WDR11: variants seen among roughly 807,000 people sequenced by gnomAD.
WDR11 encodes WD repeat domain 11.
WDR11 carries 83 observed loss-of-function variants against 151.2 expected under a neutral mutation model. That is an observed-to-expected ratio of 0.55 (90% CI 0.46 to 0.66). WDR11 has a LOEUF of 0.66. WDR11 is among the 30% of genes least tolerant of loss of function. The pLI, the probability that WDR11 is intolerant of heterozygous loss-of-function variation, is 0.00. For missense variants in WDR11, 1,301 were observed against 1,480.9 expected (o/e 0.88, Z 1.99); for synonymous variants, 484 against 533.1 (o/e 0.91, Z 1.27).
At chr10:120,852,709 A>G in intron 2 of WDR11, 74 bp downstream of exon 2, 1 of 1,286,766 alleles carries the variant, frequency 7.8e-7, no homozygotes, top group Non-Finnish European at 1.1e-6. Context: ...CTAAGCTCTC[A>G]TTAAGTCTTA....
In WDR11 at chr10:120,879,518, C is replaced by T. The variant is rs1170935362; in HGVS notation, c.1663+1059C>T. Reference sequence around the variant, plus strand: ...TGACTTAAAAAAAAGAAAAAAAATCCCTGTTTTATTTGTTTTGGTCAGCTC... The same window carrying T: ...TGACTTAAAAAAAAGAAAAAAAATCTCTGTTTTATTTGTTTTGGTCAGCTC... On this transcript the variant is annotated intron_variant, in intron 12 of 28. Coordinates refer to ENST00000263461, the MANE Select transcript of WDR11 (RefSeq NM_018117.12). 2.0e-5 allele frequency: 3 copies of T among 152,064 alleles called. No individual in the cohort carries two copies. The South Asian group carries it at 6.2e-4, about 32-fold the overall frequency. 9.4% of individuals were successfully genotyped at this position (152,064 alleles called of 1,614,324 possible).
rs12269448 is a variant in WDR11, at chr10:120,901,698, G to A, written c.2688-559G>A. On this transcript the variant is annotated intron_variant, in intron 21 of 28. Coordinates refer to ENST00000263461, the MANE Select transcript of WDR11 (RefSeq NM_018117.12). ...AAATTAAGCATGATATTTTATTGAC[G>A]GAAAATTCAAAATAATTAGTTTTTT... Among the ~76,000 whole-genome samples, 1,372 of 152,094 alleles carry A rather than the reference G, an allele frequency of 9.0e-3. 20 individuals carry two copies. The highest frequency in any genetic ancestry group is 0.032 in the African/African-American group (1,309 of 41,494).
At chr10:120,880,780 A>G (rs1483707366) in intron 12 of WDR11, 46 bp from the exon 13 acceptor site, 4 of 1,515,028 alleles carry the variant, frequency 2.6e-6, no homozygotes, top group Non-Finnish European at 3.6e-6. Flanking sequence ...TTTTTCATAC[A>G]TGTTTTATGC....
rs757614553 is a variant in WDR11 at position 120,860,085 on chromosome 10, C to G, written c.353-24C>G. 5 of 1,613,950 alleles carry G rather than the reference C, an allele frequency of 3.1e-6. No homozygotes were observed. The Admixed American group carries it at 8.3e-5, about 27-fold the overall frequency. ...TGGAGAGTGTGGTTTCTGAATTTTG[C>G]CTTTCTTTATCGGGTCTTTCCAGAT... is the stretch of plus-strand genomic sequence containing the variant. On this transcript the variant is annotated intron_variant, in intron 3 of 28. Transcript: ENST00000263461.
chr10:120,891,664 CTT>C (rs1847433553), intron 19 of WDR11, among the ~76,000 whole-genome samples: 1 of 152,154 alleles, frequency 6.6e-6, no homozygotes, highest in Non-Finnish European at 1.5e-5. Context: ...TTTCATGAGA[CTT>C]TTCTGAACCT....
At position 120,865,641 on chromosome 10, in the gene WDR11, C is replaced by T; in HGVS notation, c.891C>T (p.Cys297=). ...TCATCTATTTAAAGGTAATACCCTG[C>T]TTTCAGCGTGATGGTTTATTTTGTC... ...TGVPFLQVIP[C]FQRDGLFCLH... is the part of the protein sequence containing the mutation. Residue 297 remains cysteine, a synonymous_variant, in exon 7 of 29, where the codon TGC becomes TGT. Transcript: ENST00000263461. 1 of 1,608,000 alleles carries T rather than the reference C, an allele frequency of 6.2e-7. No homozygotes were observed. The highest frequency in any genetic ancestry group is 8.5e-7 in the Non-Finnish European group (1 of 1,176,936).
chr10:120,852,200 T>C, intron 1 of WDR11: 1 of 343,496 alleles, frequency 2.9e-6, no homozygotes, highest in South Asian at 2.6e-5. Context: ...TTGTGGATAC[T>C]AAGGATTAGA....
At chr10:120,874,748 T>C (rs751971981) in intron 11 of WDR11, among the ~76,000 whole-genome samples, 12 of 152,138 alleles carry the variant, frequency 7.9e-5, no homozygotes, top group Non-Finnish European at 8.8e-5. Flanking sequence ...TCTCCCTTTT[T>C]ATGACTGCAT....
intron 13 of WDR11, among the ~76,000 whole-genome samples, chr10:120,882,544 G>GTTTTTTTTTTTTT (rs367918882): frequency 7.0e-6 from 1 of 142,412 alleles, no homozygotes; most frequent in African/African-American, 2.6e-5. Flanking sequence ...ATTCAGTTTT[G>GTTTTTTTTTTTTT]TTTTTTTTTT....
At chr10:120,901,861 A>G (rs1379446342) in intron 21 of WDR11, among the ~76,000 whole-genome samples, 5 of 152,234 alleles carry the variant, frequency 3.3e-5, no homozygotes, top group Admixed American at 2.6e-4. Flanking sequence ...TCTTCCTTAG[A>G]TACTTTATTT....
intron 11 of WDR11, among the ~76,000 whole-genome samples, chr10:120,874,431 T>C (rs1846682069): frequency 1.3e-5 from 2 of 152,180 alleles, no homozygotes; most frequent in South Asian, 2.1e-4. Context: ...CCTGGATACA[T>C]GTGCAGAATG....
chr10:120,866,259 TATG>T (rs1367665113), intron 7 of WDR11, among the ~76,000 whole-genome samples: 1 of 152,168 alleles, frequency 6.6e-6, no homozygotes, highest in African/African-American at 2.4e-5. Flanking sequence ...TACTACAAAT[TATG>T]ATGGAAATTT....
At chr10:120,902,969 TC>T (rs1284661448) in intron 22 of WDR11, 85 bp from the exon 23 acceptor site, 18 of 1,389,026 alleles carry the variant, frequency 1.3e-5, no homozygotes, top group Middle Eastern at 2.5e-4. Context: ...GTGACAACAC[TC>T]CCTTCCAGTC....
chr10:120,900,743 G>A (rs1444401043), intron 20 of WDR11, among the ~76,000 whole-genome samples: 1 of 152,126 alleles, frequency 6.6e-6, no homozygotes, highest in Non-Finnish European at 1.5e-5. Context: ...TTCATTAAAA[G>A]GAATCTAAAC....
intron 19 of WDR11, among the ~76,000 whole-genome samples, chr10:120,891,958 C>T (rs1301616105): frequency 6.6e-6 from 1 of 152,142 alleles, no homozygotes; most frequent in African/African-American, 2.4e-5. Context: ...TCTGGGGAAG[C>T]ACCAGGATGG....
chr10:120,891,464 T>TA lies in WDR11; in HGVS notation c.2515+588dup, dbSNP rs1277464502. 2.0e-3 allele frequency among the ~76,000 whole-genome samples: 297 copies of TA among 145,814 alleles called. 3 individuals carry two copies. Among genetic ancestry groups the TA allele is most frequent in the Admixed American group, 0.015 (226 of 14,624 alleles). The stretch of plus-strand genomic sequence containing the variant: ...TAGAATATACTCCATATATGACTTC[T>TA]AAAAAAAAAAAGAATGGGACAATTG... On this transcript the variant is annotated intron_variant, in intron 19 of 28. Coordinates refer to ENST00000263461, the MANE Select transcript of WDR11 (RefSeq NM_018117.12).
rs762088187 is a variant in WDR11 at position 120,900,011 on chromosome 10, C to T, written c.2516-18C>T. On this transcript the variant is annotated intron_variant, in intron 19 of 28. Transcript: ENST00000263461. ...TAAAACTTCATTTTATTTTTAAAAA[C>T]CTTTCTTTGTTGTCTAGAGCCTGTG... 10 of 1,600,082 alleles carry T rather than the reference C, an allele frequency of 6.2e-6. No individual in the cohort carries two copies. Among genetic ancestry groups the T allele is most frequent in the Middle Eastern group, 1.7e-4 (1 of 6,038 alleles).
In WDR11 at chr10:120,908,798, T is replaced by C; in HGVS notation, c.*85T>C. 6.8e-7 allele frequency: 1 copy of C among 1,469,918 alleles called. No homozygotes were observed. Among genetic ancestry groups the C allele is most frequent in the South Asian group, 1.1e-5 (1 of 87,894 alleles). The allele number at this position is 1,469,918 out of a possible 1,614,324, so 91.1% of individuals were successfully genotyped here. A position where few individuals can be genotyped will look rare whatever the true frequency, so the allele number is the denominator to read the frequency against. ...CTGTGGCCACCGTCACAGTCCAGGA[T>C]GAAGAGGAGTACAGGGTCCTGTGAG... On this transcript the variant is annotated 3_prime_UTR_variant, in exon 29 of 29. Coordinates refer to ENST00000263461, the MANE Select transcript of WDR11 (RefSeq NM_018117.12).
Position 120,860,170 on chromosome 10 carries a change from A to G in WDR11, c.414A>G (p.Pro138=), listed in dbSNP as rs1226172404. ...ATTTACTGCTTGCTATCCACCCGCC[A>G]AATTACATTGTGCTCTGGAATGCCG... The part of the protein sequence containing the change: ...SRDLLLAIHP[P]NYIVLWNADT... Residue 138 remains proline (P), a synonymous_variant, in exon 4 of 29, where the codon CCA becomes CCG. Transcript: ENST00000263461. 1 of 1,614,198 alleles carries G rather than the reference A, an allele frequency of 6.2e-7. No homozygotes were observed. The highest frequency in any genetic ancestry group is 8.5e-7 in the Non-Finnish European group (1 of 1,180,034).
Sources: gnomAD v4.1 joint callset for allele counts (sites outside exome capture counted in the v4.1 genomes callset) on GRCh38, gnomAD v4.1.1 for gene constraint, MANE v1.5 for transcripts, NCBI Gene and HGNC (gene_info 2026-07-23, HGNC 2026-07-21) for gene names.